Variants in LDLRAD4 observed in about 807,000 individuals in gnomAD.
LDLRAD4 encodes the protein low density lipoprotein receptor class A domain containing 4, also known as low-density lipoprotein receptor class A domain-containing protein 4.
A neutral mutation model predicts 17.0 loss-of-function variants in LDLRAD4; 5 were observed. That is an observed-to-expected ratio of 0.29 (90% CI 0.15 to 0.62). LDLRAD4 has a LOEUF of 0.62. LDLRAD4 is among the 20% of genes least tolerant of loss of function. LDLRAD4 has a pLI of 0.84. For missense variants in LDLRAD4, 340 were observed against 424.7 expected (o/e 0.80, Z 1.75); for synonymous variants, 168 against 171.8 (o/e 0.98, Z 0.17).
chr18:13,313,519 G>A (rs951080455), intron 1 of LDLRAD4, among the ~76,000 whole-genome samples: 8 of 151,356 alleles, frequency 5.3e-5, no homozygotes, highest in South Asian at 2.2e-4. Flanking sequence ...CCGGTTTCCC[G>A]TGGTAAACAG....
In LDLRAD4 at chr18:13,644,243, G is replaced by A. The variant is rs144754589; in HGVS notation, c.390+831G>A. ...ACCCAATGCTTTGTATCTGCTCCAC[G>A]TACCACTGTGTGAAGTTATAACTTC... is the stretch of plus-strand genomic sequence containing the variant. On this transcript the variant is annotated intron_variant, in intron 5 of 5. Transcript: ENST00000359446. Among the ~76,000 whole-genome samples the A allele has an allele frequency of 2.7e-3, 409 of 152,066 alleles. 3 individuals are homozygous for A. The highest frequency in any genetic ancestry group is 9.4e-3 in the African/African-American group (389 of 41,478).
At chr18:13,428,521 T>TG (rs1316353889) in intron 2 of LDLRAD4, among the ~76,000 whole-genome samples, 4 of 152,188 alleles carry the variant, frequency 2.6e-5, no homozygotes, top group African/African-American at 9.7e-5. Context: ...TGAAAGCTGT[T>TG]GGAGAGACCT....
At chr18:13,296,593 T>TG (rs1555639810) in intron 1 of LDLRAD4, among the ~76,000 whole-genome samples, 1 of 149,150 alleles carries the variant, frequency 6.7e-6, no homozygotes, top group East Asian at 1.9e-4. Context: ...TTTTTTTTTT[T>TG]AAAGAACTCT....
chr18:13,397,599 G>A (rs958060665), intron 2 of LDLRAD4, among the ~76,000 whole-genome samples: 27 of 152,124 alleles, frequency 1.8e-4, no homozygotes, highest in African/African-American at 6.0e-4. Flanking sequence ...AAATCATCCT[G>A]AGATCAGTGT....
At chr18:13,222,615 G>A (rs1455803206) in intron 1 of LDLRAD4, among the ~76,000 whole-genome samples, 2 of 152,234 alleles carry the variant, frequency 1.3e-5, no homozygotes, top group Non-Finnish European at 2.9e-5. Context: ...ATGCAGCTGC[G>A]CAGAGGGCCT....
chr18:13,321,652 G>A lies in LDLRAD4; in HGVS notation c.-383+43464G>A, dbSNP rs939998621. Among the ~76,000 whole-genome samples the A allele has an allele frequency of 4.6e-5, 7 of 152,040 alleles. No individual in the cohort carries two copies. The South Asian group carries it at 1.4e-3, about 31-fold the overall frequency. On this transcript the variant is annotated intron_variant, in intron 1 of 5. Coordinates refer to ENST00000359446, the Ensembl canonical transcript of LDLRAD4. Reference sequence around the variant, plus strand: ...AGGTCGAGGCGGGTGGATCACCTGAGATCAGGAGTTTGACCTGGCCAACAT... The same window carrying A: ...AGGTCGAGGCGGGTGGATCACCTGAAATCAGGAGTTTGACCTGGCCAACAT...
chr18:13,221,940 G>C (rs774333855), intron 1 of LDLRAD4, among the ~76,000 whole-genome samples: 9 of 152,118 alleles, frequency 5.9e-5, no homozygotes, highest in Non-Finnish European at 8.8e-5. Flanking sequence ...GACTTTTCTA[G>C]AATAAAAACT....
intron 3 of LDLRAD4, among the ~76,000 whole-genome samples, chr18:13,548,988 C>G (rs1568327358): frequency 6.6e-6 from 1 of 152,216 alleles, no homozygotes; most frequent in African/African-American, 2.4e-5. Context: ...CCTAAAGCAA[C>G]TTCTTGAATA....
chr18:13,466,838 A>G (rs1356711559), intron 3 of LDLRAD4, among the ~76,000 whole-genome samples: 5 of 152,162 alleles, frequency 3.3e-5, no homozygotes, highest in Non-Finnish European at 5.9e-5. Context: ...ATATCTTCAC[A>G]TGGTGGAAGG....
At chr18:13,540,010 T>A (rs1438167163) in intron 3 of LDLRAD4, among the ~76,000 whole-genome samples, 1 of 152,096 alleles carries the variant, frequency 6.6e-6, no homozygotes, top group Non-Finnish European at 1.5e-5. Context: ...ACCCCCAGGG[T>A]TGGGGCCGAT....
At chr18:13,646,347 G>C (rs935572110) in exon 6 of LDLRAD4, 2 of 152,600 alleles carry the variant, frequency 1.3e-5, no homozygotes, top group Non-Finnish European at 2.9e-5. Flanking sequence ...ATCCTGGAGT[G>C]GTCCCCAGAA....
At chr18:13,543,606 A>C (rs1245607650) in intron 3 of LDLRAD4, 1 of 152,344 alleles carries the variant, frequency 6.6e-6, no homozygotes, top group East Asian at 1.9e-4. Context: ...CTCATCTATT[A>C]AAAGCATTTG....
In LDLRAD4 at chr18:13,502,977, A is replaced by G. The variant is rs576971116; in HGVS notation, c.181+64593A>G. 2.2e-4 allele frequency among the ~76,000 whole-genome samples: 33 copies of G among 152,350 alleles called. No homozygotes were observed. The South Asian group carries it at 6.4e-3, about 30-fold the overall frequency. On this transcript the variant is annotated intron_variant, in intron 3 of 5. Coordinates refer to ENST00000359446, the Ensembl canonical transcript of LDLRAD4. ...GGCTTGAGAAGGAAGGGCAAGAGAGAGCAGACTTTGTGGCATCAGTCAGGT... is the reference window on the plus strand; with the variant it reads ...GGCTTGAGAAGGAAGGGCAAGAGAGGGCAGACTTTGTGGCATCAGTCAGGT...
At chr18:13,625,699 C>T (rs1204355640) in intron 4 of LDLRAD4, among the ~76,000 whole-genome samples, 6 of 147,810 alleles carry the variant, frequency 4.1e-5, no homozygotes, top group East Asian at 2.0e-4. Flanking sequence ...CTCCTCCCCC[C>T]GCCAGAGGCC....
At chr18:13,379,140 G>A (rs955989134) in intron 1 of LDLRAD4, among the ~76,000 whole-genome samples, 1 of 152,226 alleles carries the variant, frequency 6.6e-6, no homozygotes, top group Non-Finnish European at 1.5e-5. Context: ...AACTGCCTAA[G>A]TCACACACAG....
intron 2 of LDLRAD4, among the ~76,000 whole-genome samples, chr18:13,426,656 C>G (rs551281043): frequency 4.6e-5 from 7 of 152,280 alleles, no homozygotes; most frequent in Non-Finnish European, 7.4e-5. Context: ...GTTACAGGAG[C>G]CAAAAGCCAT....
intron 4 of LDLRAD4, among the ~76,000 whole-genome samples, chr18:13,628,471 C>A (rs562478444): frequency 2.0e-5 from 3 of 152,354 alleles, no homozygotes; most frequent in African/African-American, 7.2e-5. Context: ...AGCTTAGGGT[C>A]CGGCGGGTTG....
chr18:13,542,565 G>A (rs572500438), intron 3 of LDLRAD4: 1 of 152,226 alleles, frequency 6.6e-6, no homozygotes, highest in East Asian at 1.9e-4. Flanking sequence ...CTCTCTATGT[G>A]TCAGCCTCCC....
intron 3 of LDLRAD4, among the ~76,000 whole-genome samples, chr18:13,563,491 G>A (rs2094561911): frequency 6.6e-6 from 1 of 152,190 alleles, no homozygotes; most frequent in Admixed American, 6.5e-5. Flanking sequence ...GAAGTGAAAG[G>A]GGGATAGTCT....
Sources: gnomAD v4.1 joint callset for allele counts (sites outside exome capture counted in the v4.1 genomes callset) on GRCh38, gnomAD v4.1.1 for gene constraint, MANE v1.5 for transcripts, NCBI Gene and HGNC (gene_info 2026-07-23, HGNC 2026-07-21) for gene names.